LRP12: variants seen among roughly 807,000 people sequenced by gnomAD.
LRP12 encodes the protein low-density lipoprotein receptor-related protein 12.
A neutral mutation model predicts 66.0 loss-of-function variants in LRP12; 14 were observed. The ratio of observed to expected loss-of-function variants is 0.21; its 90% CI spans 0.14 to 0.33. The LOEUF (loss-of-function observed/expected upper bound fraction) is 0.33, where lower values mean the gene tolerates loss of function less well. Ranked by LOEUF, LRP12 falls within the 10% of genes least tolerant of loss-of-function variation. The pLI, the probability that LRP12 is intolerant of heterozygous loss-of-function variation, is 1.00. For missense variants in LRP12, 889 were observed against 1,053.4 expected, an observed-to-expected ratio of 0.84 and a Z score of 2.16; for synonymous variants, 357 against 359.1, an observed-to-expected ratio of 0.99 and a Z score of 0.07.
chr8:104,511,560 C>T (rs115572922), intron 2 of LRP12, among the ~76,000 whole-genome samples: 1,896 of 152,120 alleles, frequency 0.012, 46 homozygotes, highest in African/African-American at 0.044. Flanking sequence ...AGGGGTTATA[C>T]ACTTTTCAAT....
At chr8:104,588,022 A>G (rs1421417984) in intron 1 of LRP12, among the ~76,000 whole-genome samples, 1 of 152,210 alleles carries the variant, frequency 6.6e-6, no homozygotes, top group African/African-American at 2.4e-5. Context: ...AACGCAATAT[A>G]AAGCTGTCCG....
Position 104,489,371 on chromosome 8 carries a change from C to T in LRP12, c.*1302G>A, listed in dbSNP as rs1419464894. ...TTCAAACATGCTTTAAAATGACATTCAGCAAAGTACTTAAAATTTAATAAA... is the reference window on the plus strand; with the variant it reads ...TTCAAACATGCTTTAAAATGACATTTAGCAAAGTACTTAAAATTTAATAAA... On this transcript the variant is annotated 3_prime_UTR_variant, in exon 7 of 7. Coordinates refer to ENST00000276654, the MANE Select transcript of LRP12 (RefSeq NM_013437.5). 1 of 152,526 alleles carries T rather than the reference C, an allele frequency of 6.6e-6. No individual in the cohort carries two copies. The highest frequency in any genetic ancestry group is 1.9e-4 in the East Asian group (1 of 5,200). 9.4% of individuals were successfully genotyped at this position (152,526 alleles called of 1,614,324 possible). A position where few individuals can be genotyped will look rare whatever the true frequency, so the allele number is the denominator to read the frequency against.
intron 2 of LRP12, among the ~76,000 whole-genome samples, chr8:104,517,704 G>A (rs1318706464): frequency 6.6e-6 from 1 of 152,040 alleles, no homozygotes; most frequent in African/African-American, 2.4e-5. Flanking sequence ...ATTTTTCAGA[G>A]TACTGTATAG....
intron 1 of LRP12, among the ~76,000 whole-genome samples, chr8:104,550,324 C>T (rs1043883046): frequency 6.6e-6 from 1 of 152,130 alleles, no homozygotes; most frequent in South Asian, 2.1e-4. Context: ...TAGCAGCTAA[C>T]GTATGTACTA....
intron 1 of LRP12, among the ~76,000 whole-genome samples, chr8:104,549,429 G>T (rs1811692618): frequency 8.2e-6 from 1 of 122,648 alleles, no homozygotes; most frequent in South Asian, 2.5e-4. Flanking sequence ...TTGAGACAGA[G>T]TCTTGCTCTG....
At chr8:104,552,808 G>C (rs1313261477) in intron 1 of LRP12, among the ~76,000 whole-genome samples, 2 of 152,086 alleles carry the variant, frequency 1.3e-5, no homozygotes, top group Admixed American at 1.3e-4. Context: ...ATGAACTTTT[G>C]CTCCAAGAAC....
rs1196124570 is a variant in LRP12 at position 104,491,123 on chromosome 8, A to G, written c.2130T>C (p.Asp710=). 6.2e-7 allele frequency: 1 copy of G among 1,614,108 alleles called. No individual in the cohort carries two copies. Among genetic ancestry groups the G allele is most frequent in the Non-Finnish European group, 8.5e-7 (1 of 1,180,012 alleles). The change falls in exon 7 of 7, where the codon GAT becomes GAC. Residue 710 remains aspartate (D), a synonymous_variant. Transcript: ENST00000276654. ...CACTTGGGGGTTCCACACTTGTCAC[A>G]TCCCTTCCATTATCTGCATGACCAC... ...TRGGHADNGR[D]VTSVEPPSVS... is the part of the protein sequence containing the mutation.
At chr8:104,587,382 AG>A (rs1360938501) in intron 1 of LRP12, among the ~76,000 whole-genome samples, 1 of 152,180 alleles carries the variant, frequency 6.6e-6, no homozygotes, top group Non-Finnish European at 1.5e-5. Flanking sequence ...ACAAGTCATC[AG>A]GCAAGCAGGG....
rs551253911 is a variant in LRP12 at position 104,534,154 on chromosome 8, ATAAT to A, written c.80-2195_80-2192del. On this transcript the variant is annotated intron_variant, in intron 1 of 6. Coordinates refer to ENST00000276654, the MANE Select transcript of LRP12 (RefSeq NM_013437.5). ...TTATAATAAAATATTCAATAAACAA[ATAAT>A]TATATATGTACTAACTTGGATAGAT... Among the ~76,000 whole-genome samples, 918 of 152,148 alleles carry A rather than the reference ATAAT, an allele frequency of 6.0e-3. 6 individuals carry two copies. Among genetic ancestry groups the A allele is most frequent in the Non-Finnish European group, 9.8e-3 (665 of 67,938 alleles).
intron 1 of LRP12, among the ~76,000 whole-genome samples, chr8:104,575,124 G>T (rs1244495524): frequency 6.6e-6 from 1 of 152,218 alleles, no homozygotes; most frequent in Non-Finnish European, 1.5e-5. Context: ...GAATGACCAA[G>T]ATGAGGCAGA....
chr8:104,503,045 C>T (rs112718538), intron 3 of LRP12, among the ~76,000 whole-genome samples: 3,500 of 151,896 alleles, frequency 0.023, 94 homozygotes, highest in African/African-American at 0.063. Flanking sequence ...ATTAGTTGGG[C>T]GTGGTTTTTA....
chr8:104,490,764 C>G lies in LRP12; in HGVS notation c.2489G>C (p.Gly830Ala), dbSNP rs1350437840. The change falls in exon 7 of 7, where the codon GGT (glycine) becomes GCT (alanine). Residue 830 changes from glycine (G) to alanine (A), a missense_variant. By Grantham distance (60) the Gly-to-Ala change is moderately conservative. Transcript: ENST00000276654. ...SNRDGPCERC[G>A]IVHTAQIPDT... ...TGGTATCTGGGCAGTGTGGACAATA[C>G]CACAGCGCTCACAGGGGCCATCTCG... The G allele has an allele frequency of 1.9e-6, 3 of 1,613,960 alleles. No individual in the cohort carries two copies. The highest frequency in any genetic ancestry group is 2.5e-6 in the Non-Finnish European group (3 of 1,180,014).
At chr8:104,580,108 C>G (rs944176861) in intron 1 of LRP12, among the ~76,000 whole-genome samples, 18 of 152,020 alleles carry the variant, frequency 1.2e-4, no homozygotes, top group African/African-American at 3.4e-4. Context: ...GAGCTTCTGT[C>G]CAGCAAAGGA....
intron 1 of LRP12, among the ~76,000 whole-genome samples, chr8:104,553,564 A>G (rs957506624): frequency 5.9e-5 from 9 of 152,106 alleles, no homozygotes; most frequent in Non-Finnish European, 1.0e-4. Flanking sequence ...CTACACCTTC[A>G]TTCCCCACAG....
At chr8:104,556,593 C>A (rs979891740) in intron 1 of LRP12, among the ~76,000 whole-genome samples, 1 of 152,002 alleles carries the variant, frequency 6.6e-6, no homozygotes, top group Non-Finnish European at 1.5e-5. Context: ...CTGAACAGAT[C>A]AATAACAAGC....
intron 3 of LRP12, chr8:104,508,485 T>C (rs1810941797): frequency 6.6e-6 from 1 of 152,356 alleles, no homozygotes; most frequent in Admixed American, 6.5e-5. Context: ...TATCAGTTTG[T>C]TTCAAGTTTT....
chr8:104,501,753 C>A (rs946412151), intron 3 of LRP12, among the ~76,000 whole-genome samples: 1 of 150,678 alleles, frequency 6.6e-6, no homozygotes, highest in Admixed American at 6.6e-5. Context: ...ATGTGTATTG[C>A]TAATATTTTC....
Position 104,497,287 on chromosome 8 carries a change from C to T in LRP12, c.1265G>A (p.Arg422Gln), listed in dbSNP as rs753745202. The change falls in exon 5 of 7, where the codon CGA (arginine) becomes CAA (glutamine). Residue 422 changes from arginine (R) to glutamine (Q), a missense_variant. Arg to Gln is a conservative substitution (Grantham distance 43). Coordinates refer to ENST00000276654, the MANE Select transcript of LRP12 (RefSeq NM_013437.5). The surrounding 1 kb of genome is among the most constrained non-coding windows in gnomAD (Gnocchi z 4.3). ...AGAACGAGGATAACAGACACCATTT[C>T]GGGAACATGGAAATTCTTCCTTCTG... Reference protein sequence around the residue: ...MCQKEEFPCSRNGVCYPRSDR... With the variant: ...MCQKEEFPCSQNGVCYPRSDR... 8.1e-6 allele frequency: 13 copies of T among 1,614,020 alleles called. No homozygotes were observed. Among genetic ancestry groups the T allele is most frequent in the Middle Eastern group, 1.6e-4 (1 of 6,084 alleles).
Position 104,489,621 on chromosome 8 carries a change from A to T in LRP12, c.*1052T>A, listed in dbSNP as rs1483655740. The T allele has an allele frequency of 3.3e-5, 5 of 152,160 alleles. No individual in the cohort carries two copies. The highest frequency in any genetic ancestry group is 7.4e-5 in the Non-Finnish European group (5 of 68,014). The allele number at this position is 152,160 out of a possible 1,614,324, so 9.4% of individuals were successfully genotyped here. A position where few individuals can be genotyped will look rare whatever the true frequency, so the allele number is the denominator to read the frequency against. ...TATTGAAAAAATCACTCTTACAACA[A>T]TGTATTTTTTAAATACAACAAATAA... On this transcript the variant is annotated 3_prime_UTR_variant, in exon 7 of 7. Transcript: ENST00000276654.
Sources: gnomAD v4.1 joint callset for allele counts (sites outside exome capture counted in the v4.1 genomes callset) on GRCh38, gnomAD v4.1.1 for gene constraint, Gnocchi (gnomAD v3.1) non-coding constraint, MANE v1.5 for transcripts, NCBI Gene and HGNC (gene_info 2026-07-23, HGNC 2026-07-21) for gene names.